The following DGCR2 variants were observed in gnomAD, a reference collection of about 807,000 sequenced individuals.
DGCR2 encodes integral membrane protein DGCR2/IDD.
Under a neutral mutation model 51.6 loss-of-function variants are expected in DGCR2, and 24 were observed. That is an observed-to-expected ratio of 0.47 (90% confidence interval 0.34 to 0.65). DGCR2 has a LOEUF of 0.65. DGCR2 is among the 30% of genes least tolerant of loss of function. The pLI is 0.01. For synonymous variants in DGCR2, 340 were observed against 315.4 expected, an observed-to-expected ratio of 1.08 and a Z score of -0.82; for missense variants, 765 against 772.1, an observed-to-expected ratio of 0.99 and a Z score of 0.11.
At chr22:19,084,716 G>A (rs1454279109) in intron 2 of DGCR2, among the ~76,000 whole-genome samples, 1 of 121,590 alleles carries the variant, frequency 8.2e-6, no homozygotes, top group Non-Finnish European at 1.9e-5. Flanking sequence ...GAGGGAGGTG[G>A]GGGGTCAGCC....
chr22:19,083,725 G>A (rs1275256055), intron 2 of DGCR2, among the ~76,000 whole-genome samples: 4 of 34,474 alleles, frequency 1.2e-4, no homozygotes, highest in Admixed American at 3.3e-4. Flanking sequence ...CTCTCCCCAC[G>A]GTCTCCCTCT....
chr22:19,081,968 C>T (rs1424067712), intron 2 of DGCR2, among the ~76,000 whole-genome samples: 1 of 152,106 alleles, frequency 6.6e-6, no homozygotes, highest in Admixed American at 6.5e-5. Context: ...GAATTAGAAT[C>T]CTTATCCTTT....
intron 1 of DGCR2, among the ~76,000 whole-genome samples, chr22:19,113,719 T>A (rs1323264202): frequency 2.0e-5 from 3 of 152,076 alleles, no homozygotes; most frequent in Non-Finnish European, 4.4e-5. Flanking sequence ...GTCAACCTAC[T>A]GTTATGTAGG....
chr22:19,106,715 AC>A (rs1461860505), intron 1 of DGCR2, among the ~76,000 whole-genome samples: 1 of 152,094 alleles, frequency 6.6e-6, no homozygotes, highest in Non-Finnish European at 1.5e-5. Context: ...AGAGGGGCTG[AC>A]CCGCCTACTC....
Position 19,057,248 on chromosome 22 carries a change from A to G in DGCR2, c.626-86T>C. On this transcript the variant is annotated intron_variant, in intron 5 of 9. Transcript: ENST00000263196. This position sits in a 1 kb window ranked among gnomAD's most constrained non-coding sequence, Gnocchi z 5.1. ...CCTCAAGGGGACCATGGCGTCAGAC[A>G]GGATCATCAACCACAGGGCCTGGAC... 1 of 1,382,064 alleles carries G rather than the reference A, an allele frequency of 7.2e-7. No homozygotes were observed. Among genetic ancestry groups the G allele is most frequent in the Non-Finnish European group, 9.7e-7 (1 of 1,030,706 alleles). The allele number at this position is 1,382,064 out of a possible 1,614,324, so 85.6% of individuals were successfully genotyped here.
intron 1 of DGCR2, among the ~76,000 whole-genome samples, chr22:19,105,792 CA>C (rs1282838111): frequency 6.6e-6 from 1 of 152,170 alleles, no homozygotes; most frequent in Non-Finnish European, 1.5e-5. Context: ...CAGACCATCC[CA>C]GAACCAACTG....
chr22:19,107,712 T>C (rs1285512392), intron 1 of DGCR2, among the ~76,000 whole-genome samples: 1 of 152,174 alleles, frequency 6.6e-6, no homozygotes, highest in African/African-American at 2.4e-5. Flanking sequence ...AACAGCAACT[T>C]GCAATCAGTC....
At chr22:19,079,643 G>A (rs1211073370) in intron 2 of DGCR2, among the ~76,000 whole-genome samples, 1 of 152,222 alleles carries the variant, frequency 6.6e-6, no homozygotes, top group Non-Finnish European at 1.5e-5. Context: ...AGCATGTAAT[G>A]TAATCCTCAC....
intron 6 of DGCR2, among the ~76,000 whole-genome samples, chr22:19,051,573 A>C (rs1199158887): frequency 6.6e-6 from 1 of 152,134 alleles, no homozygotes; most frequent in African/African-American, 2.4e-5. Flanking sequence ...AGAAAATAAA[A>C]AACTTAGCCA....
chr22:19,063,011 C>A (rs1030695080), intron 5 of DGCR2, among the ~76,000 whole-genome samples, 191 bp downstream of exon 5: 2 of 152,186 alleles, frequency 1.3e-5, no homozygotes, highest in South Asian at 2.1e-4. Flanking sequence ...ACAGCCACCG[C>A]CCAATGCAGG....
At chr22:19,053,013 A>C (rs991641208) in intron 6 of DGCR2, among the ~76,000 whole-genome samples, 2 of 152,246 alleles carry the variant, frequency 1.3e-5, no homozygotes, top group African/African-American at 4.8e-5. Flanking sequence ...AGTGGCCACC[A>C]GCTTCTCTAT....
rs773095085 is a variant in DGCR2 at position 19,064,952 on chromosome 22, C to A, written c.444G>T (p.Leu148=). The A allele has an allele frequency of 6.2e-7, 1 of 1,614,038 alleles. No homozygotes were observed. Among genetic ancestry groups the A allele is most frequent in the South Asian group, 1.1e-5 (1 of 91,084 alleles). ...TGGAGAAGGTGGCGAGAGAGCCATT[C>A]AGGCGCTGGCAGGTCTGCGCGGCAT... ...YWDAAQTCQR[L]NGSLATFSTD... is the part of the protein sequence containing the mutation. Residue 148 remains leucine (L), a synonymous_variant, in exon 4 of 10, where the codon CTG becomes CTT. Transcript: ENST00000263196.
intron 2 of DGCR2, among the ~76,000 whole-genome samples, chr22:19,076,445 G>A (rs559137645): frequency 2.9e-3 from 437 of 152,256 alleles, no homozygotes; most frequent in Non-Finnish European, 3.7e-3. Flanking sequence ...GATTACAGGC[G>A]TGAGCCACCG....
chr22:19,109,066 G>T (rs1474785924), intron 1 of DGCR2, among the ~76,000 whole-genome samples: 1 of 151,878 alleles, frequency 6.6e-6, no homozygotes, highest in Non-Finnish European at 1.5e-5. Flanking sequence ...TAATCATCAG[G>T]GAAATGTAAG....
At chr22:19,098,843 C>G (rs1253949801) in intron 1 of DGCR2, among the ~76,000 whole-genome samples, 2 of 152,166 alleles carry the variant, frequency 1.3e-5, no homozygotes, top group African/African-American at 4.8e-5. Context: ...ATCTTCTCAC[C>G]TTATGCTCTC....
chr22:19,040,972 C>A, intron 9 of DGCR2, 86 bp downstream of exon 9: 1 of 1,245,616 alleles, frequency 8.0e-7, no homozygotes, highest in Non-Finnish European at 1.1e-6. Flanking sequence ...GTCCCTAGGC[C>A]TCTGCAGCTG....
intron 5 of DGCR2, among the ~76,000 whole-genome samples, chr22:19,059,656 G>A (rs796339387): frequency 9.9e-5 from 15 of 152,118 alleles, no homozygotes; most frequent in African/African-American, 3.4e-4. Context: ...ACAGGGTGGC[G>A]GCAAGTTTCC....
intron 1 of DGCR2, among the ~76,000 whole-genome samples, chr22:19,096,265 A>G (rs1167538713): frequency 6.6e-6 from 1 of 152,202 alleles, no homozygotes; most frequent in African/African-American, 2.4e-5. Flanking sequence ...CAAACTTCAC[A>G]TGTTCTCATT....
rs1289093101 is a variant in DGCR2, at chr22:19,094,857, T to C, written c.80-5367A>G. Among the ~76,000 whole-genome samples the C allele has an allele frequency of 3.3e-5, 5 of 152,204 alleles. No homozygotes were observed. The East Asian group carries it at 9.6e-4, about 29-fold the overall frequency. ...ATGGATGAATCTCAAAATAATTATATTGAGTGAAGAAGCCAGTATGTACTC... is the reference window on the plus strand; with the variant it reads ...ATGGATGAATCTCAAAATAATTATACTGAGTGAAGAAGCCAGTATGTACTC... On this transcript the variant is annotated intron_variant, in intron 1 of 9. Transcript: ENST00000263196.
Sources: gnomAD v4.1 joint callset for allele counts (sites outside exome capture counted in the v4.1 genomes callset) on GRCh38, gnomAD v4.1.1 for gene constraint, Gnocchi (gnomAD v3.1) non-coding constraint, MANE v1.5 for transcripts, NCBI Gene and HGNC (gene_info 2026-07-23, HGNC 2026-07-21) for gene names.